NGF: variants seen among roughly 807,000 people sequenced by gnomAD.
The protein encoded by NGF is beta-nerve growth factor.
A neutral mutation model predicts 12.8 loss-of-function variants in NGF; 4 were observed. That is an observed-to-expected ratio of 0.31 (90% confidence interval 0.15 to 0.72). NGF has a LOEUF of 0.72. Ranked by LOEUF, NGF falls within the 30% of genes least tolerant of loss-of-function variation. NGF has a pLI of 0.69. For missense variants in NGF, 283 were observed against 330.8 expected, an observed-to-expected ratio of 0.86 and a Z score of 1.12; for synonymous variants, 140 against 130.0, an observed-to-expected ratio of 1.08 and a Z score of -0.52.
At chr1:115,298,265 AT>A (rs1653931647) in intron 1 of NGF, among the ~76,000 whole-genome samples, 1 of 152,218 alleles carries the variant, frequency 6.6e-6, no homozygotes, top group Non-Finnish European at 1.5e-5. Context: ...TATTAAGGCC[AT>A]TACCAAGCAC....
chr1:115,299,846 C>T (rs953135127), intron 1 of NGF, among the ~76,000 whole-genome samples: 1 of 152,202 alleles, frequency 6.6e-6, no homozygotes, highest in Non-Finnish European at 1.5e-5. Context: ...TTCGCTGATC[C>T]GTTGTTCCCA....
At chr1:115,307,358 G>C (rs1014822196) in intron 1 of NGF, among the ~76,000 whole-genome samples, 3 of 152,198 alleles carry the variant, frequency 2.0e-5, no homozygotes, top group Non-Finnish European at 4.4e-5. Flanking sequence ...GGAGGGTGTG[G>C]AGGGAGATCC....
intron 2 of NGF, 129 bp downstream of exon 2, chr1:115,293,498 C>T (rs1223130299): frequency 6.6e-6 from 1 of 152,556 alleles, no homozygotes; most frequent in African/African-American, 2.4e-5. Flanking sequence ...CCACTGAAAG[C>T]TTCTCTAGGC....
At chr1:115,299,924 A>G (rs1410215736) in intron 1 of NGF, among the ~76,000 whole-genome samples, 1 of 152,208 alleles carries the variant, frequency 6.6e-6, no homozygotes, top group East Asian at 1.9e-4. Flanking sequence ...TAATCATAAC[A>G]GCACCTATGG....
intron 2 of NGF, among the ~76,000 whole-genome samples, chr1:115,288,495 C>T (rs1653588419): frequency 6.6e-6 from 1 of 152,172 alleles, no homozygotes; most frequent in African/African-American, 2.4e-5. Flanking sequence ...TTTGTGCTTT[C>T]TACTGCTGGT....
intron 1 of NGF, among the ~76,000 whole-genome samples, chr1:115,328,733 C>T (rs11102925): frequency 2.0e-5 from 3 of 151,964 alleles, no homozygotes; most frequent in Non-Finnish European, 4.4e-5. Context: ...AGGACCAAAG[C>T]GTTTACCCCA....
intron 1 of NGF, among the ~76,000 whole-genome samples, chr1:115,331,096 G>A (rs1201004978): frequency 1.3e-5 from 2 of 150,760 alleles, no homozygotes. Context: ...TCAATGAGGG[G>A]GTCCACATCG....
chr1:115,311,266 T>C (rs1416453960), intron 1 of NGF, among the ~76,000 whole-genome samples: 1 of 152,204 alleles, frequency 6.6e-6, no homozygotes, highest in African/African-American at 2.4e-5. Flanking sequence ...CAGGAGAGAC[T>C]TCTCCCACTC....
rs538481904 is a variant in NGF at position 115,337,839 on chromosome 1, C to T, written c.-137+365G>A. On this transcript the variant is annotated intron_variant, in intron 1 of 2. Coordinates refer to ENST00000369512, the MANE Select transcript of NGF (RefSeq NM_002506.3). ...AGCTGCCGGCGCATCCCTCTCCGCG[C>T]CCATTCGCTCTCCCTCACTTGCGCG... Among the ~76,000 whole-genome samples the T allele has an allele frequency of 4.6e-5, 7 of 152,276 alleles. No individual in the cohort carries two copies. In the South Asian group the frequency reaches 6.2e-4, roughly 14 times the overall value.
chr1:115,293,299 C>T (rs1245660975), intron 2 of NGF, among the ~76,000 whole-genome samples: 2 of 152,146 alleles, frequency 1.3e-5, no homozygotes, highest in Non-Finnish European at 2.9e-5. Context: ...TGCAAGTTCC[C>T]TGCTCAGTCG....
intron 1 of NGF, among the ~76,000 whole-genome samples, chr1:115,330,891 T>C (rs996675257): frequency 1.3e-5 from 2 of 152,062 alleles, no homozygotes; most frequent in African/African-American, 4.8e-5. Flanking sequence ...CTGAGTAGGG[T>C]TGTGATTTCT....
intron 2 of NGF, among the ~76,000 whole-genome samples, chr1:115,292,749 A>G (rs1030132432): frequency 3.3e-5 from 5 of 152,328 alleles, no homozygotes; most frequent in African/African-American, 9.6e-5. Context: ...TCCATTCAAC[A>G]GATTGTAAGT....
chr1:115,325,307 C>T (rs577900330), intron 1 of NGF, among the ~76,000 whole-genome samples: 15 of 152,210 alleles, frequency 9.9e-5, no homozygotes, highest in Non-Finnish European at 1.5e-4. Context: ...GGGTCCAGAT[C>T]GTATAAGGCA....
intron 1 of NGF, among the ~76,000 whole-genome samples, chr1:115,307,799 T>C (rs1654240744): frequency 6.6e-6 from 1 of 152,202 alleles, no homozygotes; most frequent in Non-Finnish European, 1.5e-5. Context: ...ATCTCATAGG[T>C]TAGGATAAGG....
At chr1:115,287,392 C>T (rs187374184) in intron 2 of NGF, among the ~76,000 whole-genome samples, 3 of 152,256 alleles carry the variant, frequency 2.0e-5, no homozygotes, top group Admixed American at 6.5e-5. Flanking sequence ...ATTCACAAAG[C>T]GTCATGTTTG....
intron 1 of NGF, among the ~76,000 whole-genome samples, chr1:115,295,867 G>A (rs1414826936): frequency 6.6e-6 from 1 of 152,130 alleles, no homozygotes; most frequent in Admixed American, 6.5e-5. Flanking sequence ...TGCAGGTCCT[G>A]TGCTGGCCAC....
chr1:115,295,163 A>G (rs1653827169), intron 1 of NGF, among the ~76,000 whole-genome samples: 1 of 152,188 alleles, frequency 6.6e-6, no homozygotes, highest in Non-Finnish European at 1.5e-5. Context: ...AAAAGCCACC[A>G]TCGCTCCCCA....
At chr1:115,300,107 G>A (rs565396690) in intron 1 of NGF, among the ~76,000 whole-genome samples, 7 of 152,246 alleles carry the variant, frequency 4.6e-5, no homozygotes, top group South Asian at 2.1e-4. Flanking sequence ...GAATGTCCTC[G>A]GCTCTTCTTG....
At chr1:115,316,919 G>A (rs1654488905) in intron 1 of NGF, among the ~76,000 whole-genome samples, 1 of 152,174 alleles carries the variant, frequency 6.6e-6, no homozygotes, top group Admixed American at 6.5e-5. Flanking sequence ...ATGCCATGCT[G>A]CTTTTTAATT....
Sources: allele counts gnomAD v4.1 joint callset (sites outside exome capture counted in the v4.1 genomes callset), GRCh38; gene constraint gnomAD v4.1.1; transcripts MANE v1.5; gene names NCBI Gene and HGNC (gene_info 2026-07-23, HGNC 2026-07-21).